EPB41L4B: variants seen among roughly 807,000 people sequenced by gnomAD.
EPB41L4B encodes band 4.1-like protein 4B.
In EPB41L4B, 30 loss-of-function variants were observed where a neutral mutation model predicts 112.5. The observed-to-expected ratio is 0.27, with a 90% confidence interval of 0.20 to 0.36. The LOEUF is 0.36. Among genes scored for constraint, EPB41L4B ranks in the 10% least tolerant of loss-of-function variants. EPB41L4B has a pLI of 1.00. For missense variants in EPB41L4B, 1,024 were observed against 1,133.3 expected, an observed-to-expected ratio of 0.90 and a Z score of 1.38; for synonymous variants, 408 against 439.7, an observed-to-expected ratio of 0.93 and a Z score of 0.90.
At chr9:109,203,871 G>A in intron 18 of EPB41L4B, 141 bp from the exon 19 acceptor site, 1 of 677,820 alleles carries the variant, frequency 1.5e-6, no homozygotes, top group Non-Finnish European at 2.6e-6. Flanking sequence ...AATCAATAGA[G>A]AATCTTGCAC....
At chr9:109,226,963 C>T (rs1054247921) in intron 15 of EPB41L4B, among the ~76,000 whole-genome samples, 5 of 151,730 alleles carry the variant, frequency 3.3e-5, no homozygotes, top group Admixed American at 1.3e-4. Context: ...CTCAGCCTCC[C>T]GAGTACCTAC....
At chr9:109,226,626 A>ATGTG (rs1554750150) in intron 15 of EPB41L4B, among the ~76,000 whole-genome samples, 1 of 132,264 alleles carries the variant, frequency 7.6e-6, no homozygotes, top group Non-Finnish European at 1.6e-5. Context: ...ATATATATAT[A>ATGTG]TATGAAGAAT....
intron 1 of EPB41L4B, among the ~76,000 whole-genome samples, chr9:109,317,176 C>CA (rs1180707342): frequency 2.6e-5 from 4 of 152,148 alleles, no homozygotes; most frequent in African/African-American, 9.7e-5. Flanking sequence ...AAGGGGGCTC[C>CA]AAGCCCTGTC....
chr9:109,176,882 T>C (rs915046575), intron 24 of EPB41L4B, among the ~76,000 whole-genome samples, 186 bp from the exon 25 acceptor site: 2 of 152,194 alleles, frequency 1.3e-5, no homozygotes, highest in Non-Finnish European at 2.9e-5. Context: ...ATATTAACTC[T>C]TGACAACCCT....
At chr9:109,239,367 G>A (rs1265066925) in intron 15 of EPB41L4B, among the ~76,000 whole-genome samples, 1 of 152,142 alleles carries the variant, frequency 6.6e-6, no homozygotes, top group Admixed American at 6.5e-5. Flanking sequence ...TTTTTGATAG[G>A]TGGAGTTTGA....
chr9:109,206,312 T>C (rs1832991913), intron 18 of EPB41L4B, among the ~76,000 whole-genome samples: 1 of 152,002 alleles, frequency 6.6e-6, no homozygotes, highest in Non-Finnish European at 1.5e-5. Flanking sequence ...GCCTCCCGAG[T>C]AGTAGGATTA....
chr9:109,228,063 G>A (rs1172988945), intron 15 of EPB41L4B, among the ~76,000 whole-genome samples: 1 of 152,088 alleles, frequency 6.6e-6, no homozygotes, highest in African/African-American at 2.4e-5. Flanking sequence ...TTCTTGGCTT[G>A]TTCCACTGGT....
intron 1 of EPB41L4B, among the ~76,000 whole-genome samples, chr9:109,293,834 C>T (rs1464611221): frequency 3.3e-5 from 5 of 151,810 alleles, no homozygotes; most frequent in Admixed American, 6.6e-5. Context: ...CATATTAGAA[C>T]TCAATAAACC....
intron 20 of EPB41L4B, among the ~76,000 whole-genome samples, chr9:109,197,457 G>T (rs1024631725): frequency 1.3e-5 from 2 of 151,430 alleles, no homozygotes; most frequent in Non-Finnish European, 2.9e-5. Context: ...TAAAAAGATG[G>T]GCAAATGAGC....
At chr9:109,306,661 C>T (rs963119926) in intron 1 of EPB41L4B, among the ~76,000 whole-genome samples, 2 of 152,052 alleles carry the variant, frequency 1.3e-5, no homozygotes, top group African/African-American at 4.8e-5. Context: ...TGAAGGGGTC[C>T]CACCTCCCAA....
At chr9:109,234,405 G>C (rs1338620745) in intron 15 of EPB41L4B, among the ~76,000 whole-genome samples, 1 of 152,188 alleles carries the variant, frequency 6.6e-6, no homozygotes, top group African/African-American at 2.4e-5. Context: ...AATATTGATT[G>C]GTTAAATATA....
chr9:109,246,352 G>A (rs974735472), intron 14 of EPB41L4B, among the ~76,000 whole-genome samples: 2 of 152,222 alleles, frequency 1.3e-5, no homozygotes, highest in African/African-American at 2.4e-5. Flanking sequence ...TAGAGATGGG[G>A]TCTCACTATG....
chr9:109,247,891 C>T (rs1834621497), intron 13 of EPB41L4B, 102 bp from the exon 14 acceptor site: 1 of 828,112 alleles, frequency 1.2e-6, no homozygotes, highest in Non-Finnish European at 1.7e-6. Context: ...TTCCTATGTG[C>T]TACATACTCT....
chr9:109,275,127 T>C (rs1279295040), intron 2 of EPB41L4B, among the ~76,000 whole-genome samples: 1 of 152,180 alleles, frequency 6.6e-6, no homozygotes, highest in East Asian at 1.9e-4. Context: ...CTGCTAAAAA[T>C]AGGTGATATC....
chr9:109,248,296 A>G (rs946505683), intron 13 of EPB41L4B, among the ~76,000 whole-genome samples: 12 of 152,180 alleles, frequency 7.9e-5, no homozygotes, highest in Admixed American at 7.9e-4. Context: ...ACTGTCAATA[A>G]TCTGGCCACC....
intron 1 of EPB41L4B, among the ~76,000 whole-genome samples, chr9:109,314,329 T>A (rs1460215156): frequency 2.0e-5 from 3 of 152,194 alleles, no homozygotes; most frequent in East Asian, 1.9e-4. Context: ...CCCACCCCCA[T>A]CGACCTTCTG....
chr9:109,252,934 G>C (rs1467597265), intron 12 of EPB41L4B, among the ~76,000 whole-genome samples: 1 of 152,144 alleles, frequency 6.6e-6, no homozygotes, highest in Admixed American at 6.5e-5. Flanking sequence ...GTTTGGAAAG[G>C]GGAAGGGGGC....
intron 20 of EPB41L4B, among the ~76,000 whole-genome samples, chr9:109,194,926 T>C (rs1382002242): frequency 6.6e-6 from 1 of 152,186 alleles, no homozygotes; most frequent in Non-Finnish European, 1.5e-5. Context: ...TTAGTCACCA[T>C]AATATTTTTA....
intron 2 of EPB41L4B, among the ~76,000 whole-genome samples, chr9:109,273,543 C>T (rs887237961): frequency 2.0e-5 from 3 of 152,058 alleles, no homozygotes; most frequent in East Asian, 1.9e-4. Flanking sequence ...CACCACACCA[C>T]GCCCTGTGGC....
Sources: gnomAD v4.1 joint callset for allele counts (sites outside exome capture counted in the v4.1 genomes callset) on GRCh38, gnomAD v4.1.1 for gene constraint, MANE v1.5 for transcripts, NCBI Gene and HGNC (gene_info 2026-07-23, HGNC 2026-07-21) for gene names.